CDH2: variants seen among roughly 807,000 people sequenced by gnomAD.
CDH2 encodes the protein cadherin 2, also known as cadherin-2.
Under a neutral mutation model 92.0 loss-of-function variants are expected in CDH2, and 17 were observed. The observed-to-expected ratio is 0.18, with a 90% confidence interval of 0.13 to 0.28. The LOEUF (loss-of-function observed/expected upper bound fraction) is 0.28, where lower values mean the gene tolerates loss of function less well. Ranked by LOEUF, CDH2 falls within the 10% of genes least tolerant of loss-of-function variation. The pLI is 1.00. For synonymous variants in CDH2, 419 were observed against 415.9 expected, an observed-to-expected ratio of 1.01 and a Z score of -0.09; for missense variants, 862 against 1,133.1, an observed-to-expected ratio of 0.76 and a Z score of 3.44.
intron 2 of CDH2, among the ~76,000 whole-genome samples, chr18:28,088,274 T>G (rs984654938): frequency 3.3e-5 from 5 of 152,314 alleles, no homozygotes; most frequent in Non-Finnish European, 7.3e-5. Context: ...GTCAACTACA[T>G]TTTTGAAGAT....
intron 6 of CDH2, among the ~76,000 whole-genome samples, chr18:27,944,810 G>A (rs1384876659): frequency 6.7e-6 from 1 of 149,958 alleles, no homozygotes; most frequent in Non-Finnish European, 1.5e-5. Context: ...CTACTCAGGA[G>A]CCTGAGGTAT....
At chr18:27,963,010 C>T (rs947928886) in intron 15 of CDH2, among the ~76,000 whole-genome samples, 4 of 151,902 alleles carry the variant, frequency 2.6e-5, no homozygotes, top group Non-Finnish European at 4.4e-5. Context: ...TTTATTAATG[C>T]TAATAAATGA....
chr18:27,956,079 C>G (rs2011239179), intron 15 of CDH2, among the ~76,000 whole-genome samples: 1 of 152,124 alleles, frequency 6.6e-6, no homozygotes, highest in Non-Finnish European at 1.5e-5. Flanking sequence ...CTGACAGTAA[C>G]AGGCACGAAA....
intron 1 of CDH2, among the ~76,000 whole-genome samples, chr18:28,175,049 C>T (rs553277393): frequency 6.6e-6 from 1 of 152,186 alleles, no homozygotes; most frequent in South Asian, 2.1e-4. Flanking sequence ...GGACTTTTTT[C>T]CTTCTTCCTC....
Position 28,121,587 on chromosome 18 carries a change from T to C in CDH2, c.172+26086A>G, listed in dbSNP as rs184854736. Among the ~76,000 whole-genome samples the C allele has an allele frequency of 3.3e-4, 51 of 152,292 alleles. 1 individual carries two copies. The East Asian group carries it at 8.9e-3, about 26-fold the overall frequency. On this transcript the variant is annotated intron_variant, in intron 2 of 15. Transcript: ENST00000269141. ...GCTAGACCCAATCTCCAGCTCTGGA[T>C]GTCCTCCCTGTAGCTACCTTTCCAA...
intron 2 of CDH2, among the ~76,000 whole-genome samples, chr18:28,068,111 C>G (rs1250966934): frequency 1.3e-5 from 2 of 152,154 alleles, no homozygotes; most frequent in African/African-American, 4.8e-5. Context: ...CCAAGGCTCT[C>G]ACTGGCAAAT....
intron 2 of CDH2, among the ~76,000 whole-genome samples, chr18:28,087,849 C>A (rs184696092): frequency 1.2e-3 from 176 of 152,208 alleles, no homozygotes; most frequent in African/African-American, 4.0e-3. Flanking sequence ...ACCAAACTTT[C>A]ATGATGGGAG....
chr18:28,146,578 G>T (rs2016038127), intron 2 of CDH2: 1 of 152,080 alleles, frequency 6.6e-6, no homozygotes, highest in Admixed American at 6.6e-5. Context: ...CAGCACAGGT[G>T]AGAGCAAATC....
intron 14 of CDH2, among the ~76,000 whole-genome samples, chr18:27,972,901 C>G (rs2011703281): frequency 6.6e-6 from 1 of 152,170 alleles, no homozygotes; most frequent in African/African-American, 2.4e-5. Flanking sequence ...TAGCCTGGGA[C>G]TCTAAGACAA....
intron 2 of CDH2, among the ~76,000 whole-genome samples, chr18:28,139,940 T>A (rs943030106): frequency 6.6e-6 from 1 of 151,996 alleles, no homozygotes; most frequent in African/African-American, 2.4e-5. Flanking sequence ...TCTTGACATC[T>A]CTGATCTTCA....
chr18:28,032,506 A>G (rs988362836), intron 2 of CDH2, among the ~76,000 whole-genome samples: 16 of 152,278 alleles, frequency 1.1e-4, no homozygotes, highest in Admixed American at 8.5e-4. Flanking sequence ...ATGTAAATAT[A>G]AAAGTGTAGC....
intron 2 of CDH2, among the ~76,000 whole-genome samples, chr18:28,059,414 A>G (rs1296406439): frequency 1.3e-5 from 2 of 152,244 alleles, no homozygotes; most frequent in Admixed American, 1.3e-4. Context: ...CATTCATGCT[A>G]AAGGAAACTA....
At chr18:28,080,611 T>G (rs1341115156) in intron 2 of CDH2, among the ~76,000 whole-genome samples, 2 of 152,228 alleles carry the variant, frequency 1.3e-5, no homozygotes, top group Admixed American at 1.3e-4. Context: ...AGTTTAAATT[T>G]ATTTTGTTTG....
At chr18:28,023,162 T>A (rs1320830271) in intron 2 of CDH2, among the ~76,000 whole-genome samples, 2 of 152,174 alleles carry the variant, frequency 1.3e-5, no homozygotes, top group African/African-American at 4.8e-5. Context: ...TATGACCTTA[T>A]ATGGAATCAC....
chr18:27,973,603 G>C (rs867384066), intron 14 of CDH2, among the ~76,000 whole-genome samples: 1 of 152,128 alleles, frequency 6.6e-6, no homozygotes, highest in Admixed American at 6.5e-5. Flanking sequence ...AACCCATTGT[G>C]GGTGAGGTAA....
intron 5 of CDH2, among the ~76,000 whole-genome samples, chr18:28,007,114 C>A (rs543220781): frequency 5.5e-5 from 8 of 144,202 alleles, no homozygotes; most frequent in African/African-American, 2.1e-4. Context: ...GAGCTGAGAT[C>A]ATGCCACTGC....
chr18:28,167,877 G>T (rs546669513), intron 1 of CDH2, among the ~76,000 whole-genome samples: 1 of 152,238 alleles, frequency 6.6e-6, no homozygotes, highest in Non-Finnish European at 1.5e-5. Flanking sequence ...ACTTTAGCAA[G>T]AGAGTGGGTG....
rs1662730 is a variant in CDH2 at position 27,998,028 on chromosome 18, C to A, written c.1021-4391G>T. ...TCACCGTGTTAGCCAGGATGGTCTC[C>A]ATCTCCTGACCTCGTGATCCGCCCA... On this transcript the variant is annotated intron_variant, in intron 7 of 15. Coordinates refer to ENST00000269141, the MANE Select transcript of CDH2 (RefSeq NM_001792.5). 2.2e-3 allele frequency among the ~76,000 whole-genome samples: 328 copies of A among 151,852 alleles called. 2 individuals carry two copies. Among genetic ancestry groups the A allele is most frequent in the African/African-American group, 6.3e-3 (260 of 41,418 alleles).
At chr18:28,048,132 A>G (rs1333197241) in intron 2 of CDH2, among the ~76,000 whole-genome samples, 1 of 152,102 alleles carries the variant, frequency 6.6e-6, no homozygotes, top group Non-Finnish European at 1.5e-5. Context: ...TTCGATTCTT[A>G]AAACAATTCC....
Sources: allele counts gnomAD v4.1 joint callset (sites outside exome capture counted in the v4.1 genomes callset), GRCh38; gene constraint gnomAD v4.1.1; transcripts MANE v1.5; gene names NCBI Gene and HGNC (gene_info 2026-07-23, HGNC 2026-07-21).